Variants in CUL5 observed in about 807,000 individuals in gnomAD.
The protein encoded by CUL5 is cullin 5.
CUL5 carries 26 observed loss-of-function variants against 108.8 expected under a neutral mutation model. That is an observed-to-expected ratio of 0.24 (90% CI 0.18 to 0.33). CUL5 has a LOEUF of 0.33. Among genes scored for constraint, CUL5 ranks in the 10% least tolerant of loss-of-function variants. The pLI is 1.00. For missense variants in CUL5, 524 were observed against 909.2 expected (o/e 0.58, Z 5.45); for synonymous variants, 334 against 298.0 (o/e 1.12, Z -1.25).
intron 13 of CUL5, among the ~76,000 whole-genome samples, chr11:108,092,818 A>G (rs1358135062): frequency 6.6e-6 from 1 of 151,940 alleles, no homozygotes; most frequent in Non-Finnish European, 1.5e-5. Context: ...TTTTATTTTT[A>G]TTTTTTATAT....
In CUL5 at chr11:108,078,165, A is replaced by AT. The variant is rs746820875; in HGVS notation, c.1114-5dup. ...TATTAAAAATATTTTATTCCAAATT[A>AT]TTTTTTGCAGGCGTATAAAGCAGTT... is the stretch of plus-strand genomic sequence containing the variant. On this transcript the variant is annotated splice_polypyrimidine_tract_variant and intron_variant, in intron 10 of 18. Transcript: ENST00000393094. The AT allele has an allele frequency of 1.6e-5, 24 of 1,477,210 alleles. No homozygotes were observed. Among genetic ancestry groups the AT allele is most frequent in the Non-Finnish European group, 2.2e-5 (24 of 1,080,946 alleles). The allele number at this position is 1,477,210 out of a possible 1,614,324, so 91.5% of individuals were successfully genotyped here.
intron 13 of CUL5, among the ~76,000 whole-genome samples, chr11:108,091,526 C>T (rs2135230872): frequency 6.6e-6 from 1 of 151,738 alleles, no homozygotes; most frequent in Non-Finnish European, 1.5e-5. Context: ...CCCATCTCTA[C>T]AAAAATTTAA....
intron 1 of CUL5, among the ~76,000 whole-genome samples, chr11:108,017,048 T>TTG (rs1204063166): frequency 9.9e-5 from 15 of 152,160 alleles, no homozygotes; most frequent in Admixed American, 9.8e-4. Context: ...TAGCTGTGGT[T>TTG]TGTTCATTCC....
intron 16 of CUL5, among the ~76,000 whole-genome samples, chr11:108,096,239 C>T (rs1432106034): frequency 6.6e-6 from 1 of 151,324 alleles, no homozygotes; most frequent in African/African-American, 2.4e-5. Context: ...GCTGTAATCC[C>T]AGCACTTTGG....
At chr11:108,019,157 C>G in intron 1 of CUL5, among the ~76,000 whole-genome samples, 1 of 126,476 alleles carries the variant, frequency 7.9e-6, no homozygotes, top group Non-Finnish European at 1.5e-5. Context: ...CATTTTCTAT[C>G]AAGGACTTGA....
At chr11:108,050,126 C>G in intron 4 of CUL5, 60 bp downstream of exon 4, 1 of 1,409,272 alleles carries the variant, frequency 7.1e-7, no homozygotes, top group Non-Finnish European at 9.6e-7. Context: ...AATTTGGAAG[C>G]ATTTGAAAGT....
At chr11:108,080,234 C>G (rs2135204375) in intron 11 of CUL5, among the ~76,000 whole-genome samples, 1 of 151,634 alleles carries the variant, frequency 6.6e-6, no homozygotes, top group South Asian at 2.1e-4. Context: ...GTAGCTGGGA[C>G]TATAAGCACA....
intron 3 of CUL5, among the ~76,000 whole-genome samples, chr11:108,048,900 C>G (rs1002072143): frequency 6.6e-6 from 1 of 151,730 alleles, no homozygotes; most frequent in African/African-American, 2.4e-5. Flanking sequence ...CTCATGACCT[C>G]GTGATCTGCC....
chr11:108,024,971 CTTCAG>C (rs1162912398), intron 1 of CUL5, among the ~76,000 whole-genome samples: 1 of 152,180 alleles, frequency 6.6e-6, no homozygotes, highest in African/African-American at 2.4e-5. Context: ...CTACTAAAGC[CTTCAG>C]TTCAGTGACT....
chr11:108,052,532 G>A (rs1324168943), intron 4 of CUL5, 128 bp from the exon 5 acceptor site: 2 of 759,186 alleles, frequency 2.6e-6, no homozygotes, highest in Non-Finnish European at 4.1e-6. Context: ...AAATTGTTGG[G>A]ACTACAGGCG....
intron 7 of CUL5, among the ~76,000 whole-genome samples, chr11:108,059,380 A>G (rs952574381): frequency 6.6e-6 from 1 of 152,186 alleles, no homozygotes; most frequent in Non-Finnish European, 1.5e-5. Flanking sequence ...TGTTTATACA[A>G]TAGAGGAATA....
intron 18 of CUL5, among the ~76,000 whole-genome samples, chr11:108,101,422 A>G (rs867718838): frequency 1.1e-4 from 17 of 152,218 alleles, no homozygotes; most frequent in African/African-American, 4.1e-4. Context: ...TTTATGGTTC[A>G]TTCTTTTTCT....
At position 108,093,336 on chromosome 11, in the gene CUL5, G is replaced by A. The variant is rs1045570861; in HGVS notation, c.1444-1055G>A. 3.3e-5 allele frequency among the ~76,000 whole-genome samples: 5 copies of A among 152,042 alleles called. 1 individual carries two copies. Among genetic ancestry groups the A allele is most frequent in the Admixed American group, 3.3e-4 (5 of 15,248 alleles). On this transcript the variant is annotated intron_variant, in intron 13 of 18. Coordinates refer to ENST00000393094, the MANE Select transcript of CUL5 (RefSeq NM_003478.6). ...ATGAAATACTGAGAATTCCTTTATA[G>A]CATTTTTGCCAGGATCACTTCTTCT... is the stretch of plus-strand genomic sequence containing the variant.
Position 108,098,508 on chromosome 11 carries a change from A to G in CUL5, c.2127A>G (p.Gln709=), listed in dbSNP as rs1481764654. 6 of 1,577,786 alleles carry G rather than the reference A, an allele frequency of 3.8e-6. No individual in the cohort carries two copies. The highest frequency in any genetic ancestry group is 1.7e-6 in the Non-Finnish European group (2 of 1,163,738). Residue 709 remains glutamine, a synonymous_variant, in exon 18 of 19, where the codon CAA becomes CAG. Coordinates refer to ENST00000393094, the MANE Select transcript of CUL5 (RefSeq NM_003478.6). ...MREEENEGIV[Q]LRILRTQEAI... ...AAGAAGAGAATGAAGGAATAGTTCA[A>G]CTACGAATACTAAGAACCCAGGTTT...
At chr11:108,094,711 CT>C in intron 14 of CUL5, 100 bp from the exon 15 acceptor site, 1 of 997,288 alleles carries the variant, frequency 1.0e-6, no homozygotes, top group Non-Finnish European at 1.4e-6. Flanking sequence ...TTAACAAAAT[CT>C]TTATAGTCTT....
At chr11:108,080,953 A>ATTATTTATTTAT (rs140725296) in intron 11 of CUL5, among the ~76,000 whole-genome samples, 1 of 148,728 alleles carries the variant, frequency 6.7e-6, no homozygotes, top group African/African-American at 2.5e-5. Context: ...AAGATTTATC[A>ATTATTTATTTAT]TTATTTATTT....
chr11:108,084,404 G>T (rs1864174752), intron 11 of CUL5, among the ~76,000 whole-genome samples: 1 of 152,198 alleles, frequency 6.6e-6, no homozygotes, highest in Non-Finnish European at 1.5e-5. Flanking sequence ...ATACTGCTGG[G>T]GGGCAGTAGA....
At chr11:108,049,381 G>A (rs117264171) in intron 3 of CUL5, among the ~76,000 whole-genome samples, 42 of 150,944 alleles carry the variant, frequency 2.8e-4, no homozygotes, top group East Asian at 7.8e-4. Flanking sequence ...TTGCTCTGTC[G>A]CCCAGGCCAG....
At chr11:108,031,259 G>A (rs866024270) in intron 1 of CUL5, among the ~76,000 whole-genome samples, 3 of 151,586 alleles carry the variant, frequency 2.0e-5, no homozygotes, top group East Asian at 1.9e-4. Flanking sequence ...TCAGCTACTC[G>A]GAGGCTGAGG....
Sources: gnomAD v4.1 joint callset for allele counts (sites outside exome capture counted in the v4.1 genomes callset) on GRCh38, gnomAD v4.1.1 for gene constraint, MANE v1.5 for transcripts, NCBI Gene and HGNC (gene_info 2026-07-23, HGNC 2026-07-21) for gene names.